ATP8A1: variants seen among roughly 807,000 people sequenced by gnomAD.
ATP8A1 encodes the protein phospholipid-transporting ATPase IA.
A neutral mutation model predicts 177.7 loss-of-function variants in ATP8A1; 90 were observed. The observed-to-expected ratio is 0.51, with a 90% CI of 0.43 to 0.60. The LOEUF is 0.60. Among genes scored for constraint, ATP8A1 ranks in the 20% least tolerant of loss-of-function variants. The pLI is 0.00. For missense variants in ATP8A1, 1,072 were observed against 1,392.8 expected, an observed-to-expected ratio of 0.77 and a Z score of 3.67; for synonymous variants, 493 against 485.9, an observed-to-expected ratio of 1.01 and a Z score of -0.19.
At chr4:42,651,983 AT>A (rs1181884482) in intron 1 of ATP8A1, among the ~76,000 whole-genome samples, 5 of 152,206 alleles carry the variant, frequency 3.3e-5, no homozygotes, top group African/African-American at 1.2e-4. Flanking sequence ...GAGACCTAAA[AT>A]TCTTAGTCTT....
rs1712496892 is a variant in ATP8A1, at chr4:42,410,712, A to C, written c.*2204T>G. The C allele has an allele frequency of 6.6e-6, 1 of 152,144 alleles. No homozygotes were observed. Among genetic ancestry groups the C allele is most frequent in the South Asian group, 2.1e-4 (1 of 4,832 alleles). The allele number at this position is 152,144 out of a possible 1,614,324, so 9.4% of individuals were successfully genotyped here. A position where few individuals can be genotyped will look rare whatever the true frequency, so the allele number is the denominator to read the frequency against. On this transcript the variant is annotated 3_prime_UTR_variant, in exon 37 of 37. Transcript: ENST00000381668. ...ATGTTACACATTATCAACCGTAAGT[A>C]TTCTTCTCATGTTTAAGAGCTCCAC...
intron 32 of ATP8A1, among the ~76,000 whole-genome samples, chr4:42,443,981 T>C (rs1716931564): frequency 6.6e-6 from 1 of 152,206 alleles, no homozygotes; most frequent in Non-Finnish European, 1.5e-5. Flanking sequence ...ACTCTTGGTC[T>C]GCATGCTCTC....
chr4:42,650,845 A>G (rs756752405), intron 1 of ATP8A1, among the ~76,000 whole-genome samples: 1 of 152,144 alleles, frequency 6.6e-6, no homozygotes, highest in Non-Finnish European at 1.5e-5. Flanking sequence ...AGCAGTTTCT[A>G]TGTTATCCAA....
chr4:42,424,392 T>C (rs1255412242), intron 33 of ATP8A1, among the ~76,000 whole-genome samples: 1 of 152,096 alleles, frequency 6.6e-6, no homozygotes, highest in Admixed American at 6.5e-5. Flanking sequence ...AATAGTATTA[T>C]ACAATAAAAG....
chr4:42,640,206 C>T (rs1329779374), intron 1 of ATP8A1, among the ~76,000 whole-genome samples: 1 of 152,172 alleles, frequency 6.6e-6, no homozygotes. Context: ...ATGAGATCCA[C>T]TGCTTCTAAA....
At chr4:42,524,095 C>T (rs1726429509) in intron 21 of ATP8A1, among the ~76,000 whole-genome samples, 1 of 152,152 alleles carries the variant, frequency 6.6e-6, no homozygotes, top group African/African-American at 2.4e-5. Flanking sequence ...TAGTAACTGA[C>T]TCTCATGTTT....
intron 25 of ATP8A1, among the ~76,000 whole-genome samples, chr4:42,481,690 C>A (rs540314950): frequency 1.2e-4 from 19 of 152,138 alleles, no homozygotes; most frequent in Non-Finnish European, 2.5e-4. Flanking sequence ...TTTTTCCCTA[C>A]GTCTACCTCT....
chr4:42,479,260 A>T (rs916759824), intron 25 of ATP8A1, among the ~76,000 whole-genome samples: 2 of 152,238 alleles, frequency 1.3e-5, no homozygotes, highest in African/African-American at 4.8e-5. Context: ...AGAAAGCTGC[A>T]TGGCCTGCAA....
chr4:42,416,621 TG>T (rs1380015111), intron 35 of ATP8A1, among the ~76,000 whole-genome samples: 1 of 152,180 alleles, frequency 6.6e-6, no homozygotes, highest in Admixed American at 6.6e-5. Context: ...GGAAAGATCA[TG>T]GGCTCTGGAG....
intron 22 of ATP8A1, among the ~76,000 whole-genome samples, chr4:42,518,363 C>T (rs905050137): frequency 6.6e-6 from 1 of 152,160 alleles, no homozygotes; most frequent in Non-Finnish European, 1.5e-5. Flanking sequence ...CAATGATGTA[C>T]TGATCTTTTG....
intron 25 of ATP8A1, among the ~76,000 whole-genome samples, chr4:42,468,417 T>C (rs1049180686): frequency 5.4e-5 from 7 of 129,868 alleles, no homozygotes; most frequent in African/African-American, 2.1e-4. Context: ...ATATACATAT[T>C]TTATATATTT....
chr4:42,546,326 C>T (rs979131580), intron 19 of ATP8A1, among the ~76,000 whole-genome samples: 2 of 149,866 alleles, frequency 1.3e-5, no homozygotes, highest in Non-Finnish European at 2.9e-5. Context: ...CAAACTATTG[C>T]AAGGACAAAA....
At chr4:42,569,809 G>T (rs1308488211) in intron 14 of ATP8A1, among the ~76,000 whole-genome samples, 1 of 152,036 alleles carries the variant, frequency 6.6e-6, no homozygotes, top group African/African-American at 2.4e-5. Flanking sequence ...TTTCAAACAG[G>T]AAACATATTC....
At chr4:42,490,641 C>T (rs181936458) in intron 24 of ATP8A1, among the ~76,000 whole-genome samples, 17 of 152,308 alleles carry the variant, frequency 1.1e-4, no homozygotes, top group African/African-American at 2.2e-4. Flanking sequence ...TGCCTTCTCA[C>T]CTTTTGTTTC....
At chr4:42,634,676 G>C (rs547701452) in intron 1 of ATP8A1, among the ~76,000 whole-genome samples, 3 of 152,280 alleles carry the variant, frequency 2.0e-5, no homozygotes, top group South Asian at 4.1e-4. Flanking sequence ...GCTCTTACAA[G>C]AGTTTGTGGG....
At chr4:42,500,419 A>C (rs1723745294) in intron 24 of ATP8A1, among the ~76,000 whole-genome samples, 1 of 152,030 alleles carries the variant, frequency 6.6e-6, no homozygotes, top group Non-Finnish European at 1.5e-5. Flanking sequence ...ACAAAAACAG[A>C]AATCTCATAT....
chr4:42,578,228 G>T (rs1732669258), intron 12 of ATP8A1, 32 bp downstream of exon 12: 8 of 1,535,566 alleles, frequency 5.2e-6, no homozygotes, highest in Non-Finnish European at 7.0e-6. Context: ...AAATTATTTT[G>T]TAGGGTGATA....
In ATP8A1 at chr4:42,444,562, T is replaced by C. The variant is rs765146916; in HGVS notation, c.3015+16A>G. 1.2e-6 allele frequency: 2 copies of C among 1,610,020 alleles called. No individual in the cohort carries two copies. The highest frequency in any genetic ancestry group is 8.5e-7 in the Non-Finnish European group (1 of 1,177,030). On this transcript the variant is annotated intron_variant, in intron 32 of 36. Transcript: ENST00000381668. Reference sequence around the variant, plus strand: ...TAAATGTGACATTTCTTGGTTGTGGTTAGATATTTTCTTACCCATGTCCAA... The same window carrying C: ...TAAATGTGACATTTCTTGGTTGTGGCTAGATATTTTCTTACCCATGTCCAA...
intron 25 of ATP8A1, among the ~76,000 whole-genome samples, chr4:42,475,125 A>G (rs1202791362): frequency 6.6e-5 from 10 of 152,156 alleles, no homozygotes; most frequent in Non-Finnish European, 2.9e-5. Context: ...ATGGCAAATG[A>G]TGAAGCTAGG....
Sources: allele counts gnomAD v4.1 joint callset (sites outside exome capture counted in the v4.1 genomes callset), GRCh38; gene constraint gnomAD v4.1.1; transcripts MANE v1.5; gene names NCBI Gene and HGNC (gene_info 2026-07-23, HGNC 2026-07-21).